Variants in TMTC1 observed in about 807,000 individuals in gnomAD.
TMTC1 encodes transmembrane O-mannosyltransferase targeting cadherins 1, also known as protein O-mannosyl-transferase TMTC1.
TMTC1 carries 73 observed loss-of-function variants against 104.8 expected under a neutral mutation model. The ratio of observed to expected loss-of-function variants is 0.70; its 90% confidence interval spans 0.58 to 0.85. TMTC1 has a LOEUF of 0.85. TMTC1 is among the 40% of genes least tolerant of loss of function. The pLI, the probability that TMTC1 is intolerant of heterozygous loss-of-function variation, is 0.00. For missense variants in TMTC1, 1,035 were observed against 1,096.1 expected (o/e 0.94, Z 0.79); for synonymous variants, 434 against 428.7 (o/e 1.01, Z -0.15).
At chr12:29,587,606 A>G (rs1946174411) in intron 7 of TMTC1, among the ~76,000 whole-genome samples, 1 of 152,200 alleles carries the variant, frequency 6.6e-6, no homozygotes, top group Non-Finnish European at 1.5e-5. Context: ...TACTGGGATT[A>G]CAGGTGTGAT....
intron 5 of TMTC1, among the ~76,000 whole-genome samples, chr12:29,705,169 C>T (rs1405282774): frequency 5.3e-5 from 8 of 152,256 alleles, no homozygotes; most frequent in Non-Finnish European, 1.2e-4. Flanking sequence ...GGGGAGGATG[C>T]TACTGGAGGG....
chr12:29,623,890 G>C lies in TMTC1; in HGVS notation c.1128+9257C>G, dbSNP rs969752122. On this transcript the variant is annotated intron_variant, in intron 6 of 17. Transcript: ENST00000539277. ...GATATGCATGTCTTACAAATCTCTA[G>C]TGACTCTAAAGCTGTCCTTTTCCTT... 5.3e-5 allele frequency among the ~76,000 whole-genome samples: 8 copies of C among 152,158 alleles called. No individual in the cohort carries two copies. The East Asian group carries it at 1.5e-3, about 29-fold the overall frequency.
intron 2 of TMTC1, among the ~76,000 whole-genome samples, chr12:29,766,069 C>T (rs961168403): frequency 6.6e-6 from 1 of 152,160 alleles, no homozygotes; most frequent in South Asian, 2.1e-4. Context: ...AAAAGCTTTA[C>T]TGAGACTCAC....
intron 5 of TMTC1, among the ~76,000 whole-genome samples, chr12:29,728,881 C>T (rs1942473999): frequency 6.6e-6 from 1 of 151,320 alleles, no homozygotes; most frequent in Non-Finnish European, 1.5e-5. Context: ...GCCTGTAACC[C>T]CAGCTACTAG....
Position 29,636,591 on chromosome 12 carries a change from G to A in TMTC1, c.939-3255C>T, listed in dbSNP as rs557674778. Reference sequence around the variant, plus strand: ...TCCCAGCACTTTGGGAGGCCGAGGCGGGCGGATCACAAGGTCAAGAGATCG... The same window carrying A: ...TCCCAGCACTTTGGGAGGCCGAGGCAGGCGGATCACAAGGTCAAGAGATCG... On this transcript the variant is annotated intron_variant, in intron 5 of 17. Transcript: ENST00000539277. 2.2e-4 allele frequency among the ~76,000 whole-genome samples: 33 copies of A among 152,130 alleles called. 1 individual carries two copies. In the South Asian group the frequency reaches 4.2e-3, roughly 19 times the overall value.
intron 7 of TMTC1, among the ~76,000 whole-genome samples, chr12:29,585,632 AG>A (rs1339417337): frequency 5.9e-5 from 9 of 152,116 alleles, no homozygotes; most frequent in African/African-American, 1.9e-4. Context: ...GATGTAAGGA[AG>A]GGATCCAGTT....
chr12:29,526,574 A>G (rs1393168419), intron 11 of TMTC1, among the ~76,000 whole-genome samples: 1 of 152,070 alleles, frequency 6.6e-6, no homozygotes, highest in East Asian at 1.9e-4. Flanking sequence ...GAGTTTTGGG[A>G]ATTCTTAATC....
chr12:29,663,145 G>A (rs527851001), intron 5 of TMTC1, among the ~76,000 whole-genome samples: 37 of 152,292 alleles, frequency 2.4e-4, no homozygotes, highest in Admixed American at 2.0e-3. Flanking sequence ...TGTCAACTGG[G>A]TTCTTCGTTG....
At chr12:29,652,463 T>C (rs1217625919) in intron 5 of TMTC1, among the ~76,000 whole-genome samples, 1 of 152,152 alleles carries the variant, frequency 6.6e-6, no homozygotes, top group African/African-American at 2.4e-5. Context: ...GTTGAAAATG[T>C]CTTAACGACA....
At chr12:29,684,496 C>G (rs1941030218) in intron 5 of TMTC1, among the ~76,000 whole-genome samples, 2 of 152,132 alleles carry the variant, frequency 1.3e-5, no homozygotes, top group East Asian at 1.9e-4. Flanking sequence ...TAAATTAGTA[C>G]AGTAATAAGT....
rs990805185 is a variant in TMTC1 at position 29,682,338 on chromosome 12, G to A, written c.939-49002C>T. Reference sequence around the variant, plus strand: ...ATATAGTTTGGCAGCGTCTTAAAAAGCTCAACATACAGTTACCATAAAGCC... The same window carrying A: ...ATATAGTTTGGCAGCGTCTTAAAAAACTCAACATACAGTTACCATAAAGCC... On this transcript the variant is annotated intron_variant, in intron 5 of 17. Coordinates refer to ENST00000539277, the MANE Select transcript of TMTC1 (RefSeq NM_001193451.2). Among the ~76,000 whole-genome samples, 3 of 152,104 alleles carry A rather than the reference G, an allele frequency of 2.0e-5. No homozygotes were observed. The East Asian group carries it at 5.8e-4, about 29-fold the overall frequency.
rs375742920 is a variant in TMTC1, at chr12:29,577,607, CAA to C, written c.1419-5391_1419-5390del. Reference sequence around the variant, plus strand: ...CCCTTTGTCTTCCTCTCATTTTACACAAGAGAGAGCCAAGCCTTAGAGAGGAT... The same window carrying C: ...CCCTTTGTCTTCCTCTCATTTTACACGAGAGAGCCAAGCCTTAGAGAGGAT... On this transcript the variant is annotated intron_variant, in intron 8 of 17. Transcript: ENST00000539277. 4.5e-3 allele frequency among the ~76,000 whole-genome samples: 678 copies of C among 152,238 alleles called. 5 individuals carry two copies. Among genetic ancestry groups the C allele is most frequent in the African/African-American group, 0.016 (645 of 41,548 alleles).
chr12:29,590,724 A>G (rs1392554074), intron 7 of TMTC1, among the ~76,000 whole-genome samples: 1 of 152,156 alleles, frequency 6.6e-6, no homozygotes, highest in Non-Finnish European at 1.5e-5. Context: ...GGCAGAGGTT[A>G]CAGTGAGCTG....
chr12:29,604,053 AAAT>A, intron 7 of TMTC1, 122 bp downstream of exon 7: 1 of 1,304,764 alleles, frequency 7.7e-7, no homozygotes, highest in Non-Finnish European at 1.0e-6. Flanking sequence ...TTTAAAGCTG[AAAT>A]AATAATATCC....
intron 5 of TMTC1, among the ~76,000 whole-genome samples, chr12:29,715,526 GCAAA>G (rs1942051332): frequency 6.6e-6 from 1 of 152,084 alleles, no homozygotes; most frequent in Admixed American, 6.5e-5. Context: ...TAAAAATAAA[GCAAA>G]CAGTTACATT....
intron 5 of TMTC1, among the ~76,000 whole-genome samples, chr12:29,726,781 G>A (rs937315737): frequency 1.3e-5 from 2 of 152,086 alleles, no homozygotes; most frequent in Non-Finnish European, 2.9e-5. Flanking sequence ...GAAGGCCAAG[G>A]CAATACCATC....
At chr12:29,755,952 TTAAAGA>T (rs776217349) in intron 3 of TMTC1, 67 bp from the exon 4 acceptor site, 24 of 1,491,334 alleles carry the variant, frequency 1.6e-5, no homozygotes, top group Admixed American at 1.9e-5. Context: ...ATGCCACCTC[TTAAAGA>T]TAAGATCTAA....
At chr12:29,688,013 T>C (rs1458610576) in intron 5 of TMTC1, among the ~76,000 whole-genome samples, 2 of 152,176 alleles carry the variant, frequency 1.3e-5, no homozygotes, top group Non-Finnish European at 2.9e-5. Context: ...TAATTCAGTC[T>C]ATAAAGACTT....
intron 6 of TMTC1, among the ~76,000 whole-genome samples, chr12:29,615,309 C>G (rs1031472729): frequency 6.6e-6 from 1 of 152,162 alleles, no homozygotes; most frequent in African/African-American, 2.4e-5. Flanking sequence ...CCTGTAAGAA[C>G]CTTCCATGAA....
Sources: allele counts gnomAD v4.1 joint callset (sites outside exome capture counted in the v4.1 genomes callset), GRCh38; gene constraint gnomAD v4.1.1; transcripts MANE v1.5; gene names NCBI Gene and HGNC (gene_info 2026-07-23, HGNC 2026-07-21).